Variants in ZNF423 observed in about 807,000 individuals in gnomAD.
ZNF423 encodes the protein zinc finger protein 423.
Under a neutral mutation model 95.8 loss-of-function variants are expected in ZNF423, and 12 were observed. That is an observed-to-expected ratio of 0.13 (90% confidence interval 0.08 to 0.20). The LOEUF (loss-of-function observed/expected upper bound fraction) is 0.20, where lower values mean the gene tolerates loss of function less well. ZNF423 is among the 10% of genes least tolerant of loss of function. The pLI is 1.00. For synonymous variants in ZNF423, 749 were observed against 711.9 expected (o/e 1.05, Z -0.83); for missense variants, 1,316 against 1,737.1 (o/e 0.76, Z 4.31).
chr16:49,755,327 C>T (rs778582170), intron 2 of ZNF423, among the ~76,000 whole-genome samples: 4 of 152,178 alleles, frequency 2.6e-5, no homozygotes, highest in Non-Finnish European at 4.4e-5. Flanking sequence ...CCTCCTCGCC[C>T]GCTTTCCCGT....
intron 1 of ZNF423, among the ~76,000 whole-genome samples, chr16:49,807,207 G>T (rs1256118719): frequency 6.6e-6 from 1 of 151,952 alleles, no homozygotes; most frequent in Non-Finnish European, 1.5e-5. Flanking sequence ...TGAGGCAGGC[G>T]GATCATGAGG....
intron 2 of ZNF423, among the ~76,000 whole-genome samples, chr16:49,741,763 G>A (rs1342105487): frequency 1.3e-5 from 2 of 152,384 alleles, no homozygotes; most frequent in African/African-American, 4.8e-5. Flanking sequence ...TGAGCAGTCA[G>A]CTAAGCAGTG....
chr16:49,554,301 C>A (rs1969748162), intron 5 of ZNF423, among the ~76,000 whole-genome samples: 1 of 152,144 alleles, frequency 6.6e-6, no homozygotes, highest in South Asian at 2.1e-4. Flanking sequence ...GGAGCAAGTG[C>A]ACTAAGAATG....
At chr16:49,735,672 C>A (rs187503994) in intron 2 of ZNF423, among the ~76,000 whole-genome samples, 2 of 152,160 alleles carry the variant, frequency 1.3e-5, no homozygotes, top group African/African-American at 4.8e-5. Context: ...GACACTCCCC[C>A]TTCAAGCCCA....
chr16:49,499,861 G>A (rs1016224384), intron 7 of ZNF423, among the ~76,000 whole-genome samples: 1 of 152,162 alleles, frequency 6.6e-6, no homozygotes, highest in Admixed American at 6.5e-5. Flanking sequence ...TATTAGGAGG[G>A]AACCGAAGCC....
Position 49,638,154 on chromosome 16 carries a change from G to A in ZNF423, c.1022C>T (p.Ser341Phe), listed in dbSNP as rs755632324. ...GTGGCAGTAGACACCTTCCACTGAG[G>A]AGAACTGCTCAGGGCACATGGGGCA... ...HKCPMCPEQF[S>F]SVEGVYCHLD... Residue 341 changes from serine (S) to phenylalanine (F), a missense_variant, in exon 4 of 8, where the codon TCC becomes TTC. Ser to Phe is a radical substitution (Grantham distance 155). Coordinates refer to ENST00000563137, the MANE Select transcript of ZNF423 (RefSeq NM_001379286.1). This position sits in a 1 kb window ranked among gnomAD's most constrained non-coding sequence, Gnocchi z 5.6. 6 of 1,610,704 alleles carry A rather than the reference G, an allele frequency of 3.7e-6. No homozygotes were observed. Among genetic ancestry groups the A allele is most frequent in the African/African-American group, 2.7e-5 (2 of 75,060 alleles).
At chr16:49,511,089 G>A (rs1422574094) in intron 7 of ZNF423, among the ~76,000 whole-genome samples, 8 of 152,206 alleles carry the variant, frequency 5.3e-5, no homozygotes, top group Admixed American at 1.3e-4. Flanking sequence ...TTGCTCAGGC[G>A]AGCTGACCCT....
chr16:49,798,232 G>A (rs1339598792), intron 1 of ZNF423, among the ~76,000 whole-genome samples: 3 of 152,092 alleles, frequency 2.0e-5, no homozygotes, highest in Non-Finnish European at 4.4e-5. Flanking sequence ...AGAAGGCCAG[G>A]TGCAGAGGCT....
chr16:49,658,642 G>C (rs1185163013), intron 3 of ZNF423, among the ~76,000 whole-genome samples: 1 of 152,232 alleles, frequency 6.6e-6, no homozygotes, highest in Non-Finnish European at 1.5e-5. Flanking sequence ...AGCAGCAGCA[G>C]AGAGGCAGCC....
intron 5 of ZNF423, among the ~76,000 whole-genome samples, chr16:49,609,476 GAAACAAGTGGA>G (rs1439178107): frequency 6.6e-6 from 1 of 151,916 alleles, no homozygotes; most frequent in Non-Finnish European, 1.5e-5. Flanking sequence ...GATCATCCTT[GAAACAAGTGGA>G]AAAAAAAAGA....
chr16:49,606,063 C>G (rs548125477), intron 5 of ZNF423, among the ~76,000 whole-genome samples: 1 of 152,302 alleles, frequency 6.6e-6, no homozygotes, highest in East Asian at 1.9e-4. Context: ...GCACCTGCAG[C>G]CAGCGCCATT....
chr16:49,665,302 C>T (rs865850313), intron 3 of ZNF423, among the ~76,000 whole-genome samples: 1 of 152,228 alleles, frequency 6.6e-6, no homozygotes. Flanking sequence ...TACAACCCAG[C>T]AGGCACTTAG....
intron 2 of ZNF423, among the ~76,000 whole-genome samples, chr16:49,734,993 C>T (rs781025152): frequency 6.6e-6 from 1 of 152,156 alleles, no homozygotes; most frequent in African/African-American, 2.4e-5. Context: ...TTCAAGCCCA[C>T]TGCATGTGAC....
At chr16:49,797,784 C>T (rs1038935228) in intron 1 of ZNF423, among the ~76,000 whole-genome samples, 9 of 152,216 alleles carry the variant, frequency 5.9e-5, no homozygotes, top group African/African-American at 1.7e-4. Flanking sequence ...AGATCGCCTG[C>T]CATTATGCCC....
At chr16:49,543,328 C>A (rs1423149754) in intron 5 of ZNF423, among the ~76,000 whole-genome samples, 4 of 152,096 alleles carry the variant, frequency 2.6e-5, no homozygotes, top group African/African-American at 9.7e-5. Flanking sequence ...CAGTCCTCAG[C>A]CCCCCAATCC....
intron 5 of ZNF423, among the ~76,000 whole-genome samples, chr16:49,567,076 C>T (rs1189426428): frequency 6.6e-6 from 1 of 152,154 alleles, no homozygotes; most frequent in Non-Finnish European, 1.5e-5. Context: ...TTAAGTTTTA[C>T]CCCTCACAAA....
chr16:49,815,912 A>ATTTTTT (rs1335669959), intron 1 of ZNF423, among the ~76,000 whole-genome samples: 3 of 36,744 alleles, frequency 8.2e-5, no homozygotes, highest in African/African-American at 1.2e-4. Context: ...ATATATATAT[A>ATTTTTT]TATTTTTTTT....
intron 1 of ZNF423, among the ~76,000 whole-genome samples, chr16:49,836,893 C>G (rs1321031177): frequency 6.6e-6 from 1 of 152,206 alleles, no homozygotes; most frequent in African/African-American, 2.4e-5. Flanking sequence ...AAAATGAGCT[C>G]AGACCCTGGG....
chr16:49,582,769 GA>G lies in ZNF423; in HGVS notation c.3601+43400del, dbSNP rs201003582. On this transcript the variant is annotated intron_variant, in intron 5 of 7. Coordinates refer to ENST00000563137, the MANE Select transcript of ZNF423 (RefSeq NM_001379286.1). Reference sequence around the variant, plus strand: ...CCACAAATATGCATTACTTTTGGATGAAAAAACAATAAAATCAACCTATGTT... The same window carrying G: ...CCACAAATATGCATTACTTTTGGATGAAAAACAATAAAATCAACCTATGTT... 9.5e-3 allele frequency among the ~76,000 whole-genome samples: 1,440 copies of G among 152,180 alleles called. 28 individuals carry two copies. Among genetic ancestry groups the G allele is most frequent in the African/African-American group, 0.033 (1,368 of 41,528 alleles).
Sources: gnomAD v4.1 joint callset for allele counts (sites outside exome capture counted in the v4.1 genomes callset) on GRCh38, gnomAD v4.1.1 for gene constraint, Gnocchi (gnomAD v3.1) non-coding constraint, MANE v1.5 for transcripts, NCBI Gene and HGNC (gene_info 2026-07-23, HGNC 2026-07-21) for gene names.